KCNJ12: variants seen among roughly 807,000 people sequenced by gnomAD.
KCNJ12 encodes the protein potassium inwardly rectifying channel subfamily J member 12.
KCNJ12 carries 2 observed loss-of-function variants against 22.3 expected under a neutral mutation model. The ratio of observed to expected loss-of-function variants is 0.09; its 90% CI spans 0.04 to 0.28. The LOEUF (loss-of-function observed/expected upper bound fraction) is 0.28, where lower values mean the gene tolerates loss of function less well. KCNJ12 is among the 10% of genes least tolerant of loss of function. The probability of loss-of-function intolerance (pLI) is 1.00; values close to 1 mark genes in which losing one functional copy is unlikely to be tolerated. For missense variants in KCNJ12, 155 were observed against 633.3 expected (o/e 0.24, Z 8.11); for synonymous variants, 117 against 261.4 (o/e 0.45, Z 5.33).
intron 2 of KCNJ12, among the ~76,000 whole-genome samples, chr17:21,414,436 T>C (rs1555562122): frequency 1.3e-5 from 2 of 152,228 alleles, no homozygotes; most frequent in African/African-American, 4.8e-5. Flanking sequence ...AATCGCACCA[T>C]TGCATTCCAG....
chr17:21,413,770 G>T (rs1906518247), intron 2 of KCNJ12, among the ~76,000 whole-genome samples: 1 of 152,306 alleles, frequency 6.6e-6, no homozygotes, highest in African/African-American at 2.4e-5. Context: ...GCTTTGTTCT[G>T]GCTGGCATGG....
chr17:21,419,746 A>C lies in KCNJ12; in HGVS notation c.*3102A>C, dbSNP rs1197614879. 1 of 167,426 alleles carries C rather than the reference A, an allele frequency of 6.0e-6. No homozygotes were observed. The highest frequency in any genetic ancestry group is 2.1e-4 in the South Asian group (1 of 4,840). 10.4% of individuals were successfully genotyped at this position (167,426 alleles called of 1,614,324 possible). ...CGGGGTGTCTGCCCTGCGTGAGGGC[A>C]TAGAATGTCAAATTATTTTAAATGG... is the stretch of plus-strand genomic sequence containing the variant. On this transcript the variant is annotated 3_prime_UTR_variant, in exon 3 of 3. Coordinates refer to ENST00000583088, the MANE Select transcript of KCNJ12 (RefSeq NM_021012.5).
At chr17:21,380,128 G>T (rs926782515) in intron 1 of KCNJ12, among the ~76,000 whole-genome samples, 1 of 152,188 alleles carries the variant, frequency 6.6e-6, no homozygotes, top group African/African-American at 2.4e-5. Context: ...CACCAGGCAG[G>T]TCCCACACAG....
At position 21,412,374 on chromosome 17, in the gene KCNJ12, G is replaced by A. The variant is rs1657728; in HGVS notation, c.-56-2913G>A. Reference sequence around the variant, plus strand: ...TTGGCCAGTTTCGAGGCCGCCAGCTGCTGGGAGCACATGCAGACCGGGCTC... The same window carrying A: ...TTGGCCAGTTTCGAGGCCGCCAGCTACTGGGAGCACATGCAGACCGGGCTC... On this transcript the variant is annotated intron_variant, in intron 2 of 2. Coordinates refer to ENST00000583088, the MANE Select transcript of KCNJ12 (RefSeq NM_021012.5). Among the ~76,000 whole-genome samples the A allele has an allele frequency of 2.0e-5, 3 of 152,426 alleles. No individual in the cohort carries two copies. In the East Asian group the frequency reaches 5.8e-4, roughly 29 times the overall value.
intron 2 of KCNJ12, among the ~76,000 whole-genome samples, chr17:21,409,347 G>A (rs11204356): frequency 0.012 from 1,835 of 151,794 alleles, no homozygotes; most frequent in Non-Finnish European, 0.016. Context: ...CAGGAGGGGA[G>A]GCCAGGGTTC....
chr17:21,411,122 T>A (rs1227620534), intron 2 of KCNJ12, among the ~76,000 whole-genome samples: 1 of 152,310 alleles, frequency 6.6e-6, no homozygotes, highest in Non-Finnish European at 1.5e-5. Flanking sequence ...GGTCCAGGCC[T>A]TGCCCTGAGC....
At chr17:21,385,685 C>A (rs1474195900) in intron 1 of KCNJ12, among the ~76,000 whole-genome samples, 2 of 152,216 alleles carry the variant, frequency 1.3e-5, no homozygotes, top group African/African-American at 4.8e-5. Flanking sequence ...CTGGCCTGGG[C>A]CCTGCCAGCA....
chr17:21,383,300 G>A (rs930742059), intron 1 of KCNJ12, among the ~76,000 whole-genome samples: 15 of 152,332 alleles, frequency 9.8e-5, no homozygotes, highest in South Asian at 2.1e-4. Flanking sequence ...AGCAGCTGGC[G>A]TTCTGTGTGG....
chr17:21,386,874 ACT>A (rs1484188823), intron 1 of KCNJ12, among the ~76,000 whole-genome samples: 3 of 152,254 alleles, frequency 2.0e-5, no homozygotes, highest in South Asian at 4.2e-4. Flanking sequence ...TCATATCCAA[ACT>A]CTATATTTGC....
chr17:21,410,558 C>T (rs113943694), intron 2 of KCNJ12, among the ~76,000 whole-genome samples: 3 of 144,698 alleles, frequency 2.1e-5, no homozygotes, highest in African/African-American at 7.5e-5. Context: ...TGCCCCATCT[C>T]CGAATGAGGG....
At chr17:21,393,665 C>T (rs1555559587) in intron 1 of KCNJ12, among the ~76,000 whole-genome samples, 1 of 152,242 alleles carries the variant, frequency 6.6e-6, no homozygotes. Flanking sequence ...TGCTGAGCAT[C>T]TGTTCCATGC....
At chr17:21,395,781 A>G (rs1905342232) in intron 1 of KCNJ12, among the ~76,000 whole-genome samples, 1 of 152,166 alleles carries the variant, frequency 6.6e-6, no homozygotes, top group South Asian at 2.1e-4. Context: ...GACCTGCCCA[A>G]GGTCTTACCA....
At chr17:21,408,248 T>C (rs1401376230) in intron 1 of KCNJ12, among the ~76,000 whole-genome samples, 86 of 152,080 alleles carry the variant, frequency 5.7e-4, no homozygotes, top group African/African-American at 2.0e-3. Context: ...ATGCCTACTA[T>C]AGTGTCTGGC....
intron 1 of KCNJ12, among the ~76,000 whole-genome samples, chr17:21,395,273 C>T (rs1208969418): frequency 7.4e-6 from 1 of 135,548 alleles, no homozygotes; most frequent in Middle Eastern, 4.1e-3. Context: ...CCAGCCTAGG[C>T]GACACAGCAA....
chr17:21,384,038 G>T (rs1270484273), intron 1 of KCNJ12, among the ~76,000 whole-genome samples: 1 of 152,104 alleles, frequency 6.6e-6, no homozygotes, highest in Non-Finnish European at 1.5e-5. Flanking sequence ...TGTCCTTGGG[G>T]TGACCATCAT....
chr17:21,381,445 A>T (rs544686826), intron 1 of KCNJ12, among the ~76,000 whole-genome samples: 1 of 152,078 alleles, frequency 6.6e-6, no homozygotes, highest in African/African-American at 2.4e-5. Flanking sequence ...GGCCCTGCAC[A>T]GTCTGGCCTC....
chr17:21,405,638 T>TGTGG (rs1905884685), intron 1 of KCNJ12, among the ~76,000 whole-genome samples: 1 of 152,290 alleles, frequency 6.6e-6, no homozygotes, highest in African/African-American at 2.4e-5. Flanking sequence ...TGCGGGACGC[T>TGTGG]GTGGGCCAGC....
Position 21,416,549 on chromosome 17 carries a change from G to A in KCNJ12, c.1207G>A (p.Gly403Ser), listed in dbSNP as rs782577366. The change falls in exon 3 of 3, where the codon GGC becomes AGC. Residue 403 changes from glycine (G) to serine (S), a missense_variant. Coordinates refer to ENST00000583088, the MANE Select transcript of KCNJ12 (RefSeq NM_021012.5). ...DGDQDGRSRD[G>S]LSPQARHDFD... Reference sequence around the variant, plus strand: ...AGACCAGGACGGCCGAAGCCGGGACGGCCTCAGCCCCCAGGCCAGGCATGA... The same window carrying A: ...AGACCAGGACGGCCGAAGCCGGGACAGCCTCAGCCCCCAGGCCAGGCATGA... 4.8e-5 allele frequency: 78 copies of A among 1,608,280 alleles called. No individual in the cohort carries two copies. The highest frequency in any genetic ancestry group is 6.2e-5 in the Non-Finnish European group (73 of 1,176,834).
rs576571876 is a variant in KCNJ12, at chr17:21,418,429, G to A, written c.*1785G>A. Reference sequence around the variant, plus strand: ...GAGCAGAGGGGGTCATGCAGTGAGTGGGTGGGGTGCAGGAGACAGAGAGGG... The same window carrying A: ...GAGCAGAGGGGGTCATGCAGTGAGTAGGTGGGGTGCAGGAGACAGAGAGGG... On this transcript the variant is annotated 3_prime_UTR_variant, in exon 3 of 3. Transcript: ENST00000583088. The A allele has an allele frequency of 6.0e-6, 1 of 166,680 alleles. No homozygotes were observed. The highest frequency in any genetic ancestry group is 1.9e-4 in the East Asian group (1 of 5,180). 10.3% of individuals were successfully genotyped at this position (166,680 alleles called of 1,614,324 possible).
Sources: gnomAD v4.1 joint callset for allele counts (sites outside exome capture counted in the v4.1 genomes callset) on GRCh38, gnomAD v4.1.1 for gene constraint, MANE v1.5 for transcripts, NCBI Gene and HGNC (gene_info 2026-07-23, HGNC 2026-07-21) for gene names.